The following CDK5RAP2 variants were observed in gnomAD, a reference collection of about 807,000 sequenced individuals.
CDK5RAP2 encodes the protein CDK5 regulatory subunit associated protein 2.
In CDK5RAP2, 147 loss-of-function variants were observed where a neutral mutation model predicts 232.9. The ratio of observed to expected loss-of-function variants is 0.63; its 90% confidence interval spans 0.55 to 0.72. CDK5RAP2 has a LOEUF of 0.72. Among genes scored for constraint, CDK5RAP2 ranks in the 30% least tolerant of loss-of-function variants. CDK5RAP2 has a pLI of 0.00. For synonymous variants in CDK5RAP2, 833 were observed against 833.7 expected (o/e 1.00, Z 0.01); for missense variants, 2,195 against 2,231.5 (o/e 0.98, Z 0.33).
At chr9:120,534,719 T>TC (rs1158546689) in intron 7 of CDK5RAP2, among the ~76,000 whole-genome samples, 1 of 152,200 alleles carries the variant, frequency 6.6e-6, no homozygotes, top group Admixed American at 6.5e-5. Flanking sequence ...CCAAACCCTC[T>TC]CCTTCCCCTT....
Position 120,403,008 on chromosome 9 carries a change from G to A in CDK5RAP2, c.5105C>T (p.Ser1702Leu), listed in dbSNP as rs777175354. The A allele has an allele frequency of 4.5e-5, 72 of 1,614,020 alleles. No homozygotes were observed. Among genetic ancestry groups the A allele is most frequent in the Middle Eastern group, 1.6e-4 (1 of 6,084 alleles). Reference sequence around the variant, plus strand: ...GGACACACACGGAGTGCTAGTTGCCGAACTGCCACTGTCGCAGGAGAGGGA... The same window carrying A: ...GGACACACACGGAGTGCTAGTTGCCAAACTGCCACTGTCGCAGGAGAGGGA... ...TDSLSCDSGS[S>L]ATSTPCVSRL... The change falls in exon 34 of 38, where the codon TCG becomes TTG. Residue 1702 changes from serine (S) to leucine (L), a missense_variant. Transcript: ENST00000349780. The surrounding 1 kb of genome is among the most constrained non-coding windows in gnomAD (Gnocchi z 4.2).
chr9:120,579,102 C>G lies in CDK5RAP2; in HGVS notation c.59+818G>C, dbSNP rs2043147325. 1.3e-5 allele frequency among the ~76,000 whole-genome samples: 2 copies of G among 152,180 alleles called. 1 individual carries two copies. Among genetic ancestry groups the G allele is most frequent in the South Asian group, 4.1e-4 (2 of 4,830 alleles). On this transcript the variant is annotated intron_variant, in intron 1 of 37. Transcript: ENST00000349780. The stretch of plus-strand genomic sequence containing the variant: ...CTCTGTTAGGCCTTCCTACCAGACC[C>G]CAGCTCCACCAGCAATGGGGACTCC...
chr9:120,566,936 T>C (rs1369481065), intron 3 of CDK5RAP2, among the ~76,000 whole-genome samples: 1 of 152,248 alleles, frequency 6.6e-6, no homozygotes, highest in Non-Finnish European at 1.5e-5. Context: ...TCTGTGAAAT[T>C]TTCCAATTTA....
Position 120,389,401 on chromosome 9 carries a change from A to G in CDK5RAP2, c.5626-109T>C, listed in dbSNP as rs4836820. ...CTGTTATTCTCAAAGTGCTTTCAAA[A>G]ACATAGTTTGGTCAGTAAATATTTA... On this transcript the variant is annotated intron_variant, in intron 37 of 37. Transcript: ENST00000349780. 637,734 of 866,718 alleles carry G rather than the reference A, an allele frequency of 0.74. 236,258 individuals carry two copies. The highest frequency in any genetic ancestry group is 0.86 in the East Asian group (32,721 of 37,956). 53.7% of individuals were successfully genotyped at this position (866,718 alleles called of 1,614,324 possible). A position where few individuals can be genotyped will look rare whatever the true frequency, so the allele number is the denominator to read the frequency against.
rs1185048708 is a variant in CDK5RAP2 at position 120,518,464 on chromosome 9, G to A, written c.1274C>T (p.Ala425Val). ...RERLEKDLEE[A>V]HREKSKGDCT... ...GTCTCCTTTGCTCTTCTCTCGATGG[G>A]CTTCCTCCAGGTCCTTCTCCAGTCT... The change falls in exon 12 of 38, where the codon GCC becomes GTC. Residue 425 changes from alanine (A) to valine (V), a missense_variant. Ala to Val is a moderately conservative substitution (Grantham distance 64). Transcript: ENST00000349780. 6.2e-7 allele frequency: 1 copy of A among 1,613,628 alleles called. No individual in the cohort carries two copies. Among genetic ancestry groups the A allele is most frequent in the Admixed American group, 1.7e-5 (1 of 59,966 alleles).
chr9:120,514,907 T>C (rs996584898), intron 12 of CDK5RAP2, among the ~76,000 whole-genome samples: 6 of 152,132 alleles, frequency 3.9e-5, no homozygotes, highest in African/African-American at 7.2e-5. Context: ...AATAAGTAAA[T>C]TATGAAACCA....
Position 120,550,820 on chromosome 9 carries a change from T to C in CDK5RAP2, c.278A>G (p.His93Arg), listed in dbSNP as rs755655281. The change falls in exon 4 of 38, where the codon CAT becomes CGT. Residue 93 changes from histidine (H) to arginine (R), a missense_variant. By Grantham distance (29) the His-to-Arg change is conservative. Transcript: ENST00000349780. The stretch of plus-strand genomic sequence containing the variant: ...TTTGTAGATATGTTCAGTGGGGCCA[T>C]GAAATTCCTGTTGCATTCTTTCCTC... ...FLEERMQQEF[H>R]GPTEHIYKTN... The C allele has an allele frequency of 3.1e-6, 5 of 1,611,718 alleles. No individual in the cohort carries two copies. In the South Asian group the frequency reaches 5.5e-5, roughly 18 times the overall value.
intron 14 of CDK5RAP2, among the ~76,000 whole-genome samples, chr9:120,483,067 C>G (rs1025496379): frequency 6.6e-6 from 1 of 152,168 alleles, no homozygotes; most frequent in Non-Finnish European, 1.5e-5. Flanking sequence ...CAGCAACCAA[C>G]CCCCACTCTC....
intron 25 of CDK5RAP2, among the ~76,000 whole-genome samples, chr9:120,428,201 G>A (rs531148896): frequency 3.9e-5 from 6 of 152,028 alleles, no homozygotes; most frequent in East Asian, 1.9e-4. Flanking sequence ...AAAGAACTAG[G>A]AAAGCAAGAG....
chr9:120,448,454 C>T (rs999341649), intron 21 of CDK5RAP2, among the ~76,000 whole-genome samples: 4 of 152,188 alleles, frequency 2.6e-5, no homozygotes, highest in African/African-American at 9.7e-5. Context: ...TATCTATTTC[C>T]TTGTTTCCCA....
intron 25 of CDK5RAP2, 40 bp from the exon 26 acceptor site, chr9:120,422,781 A>G: frequency 6.4e-7 from 1 of 1,550,646 alleles, no homozygotes; most frequent in Non-Finnish European, 8.9e-7. Context: ...GGAGAAAAAA[A>G]TGTTTTTAAG....
intron 3 of CDK5RAP2, among the ~76,000 whole-genome samples, chr9:120,555,399 A>C (rs1168622249): frequency 6.6e-6 from 1 of 151,554 alleles, no homozygotes; most frequent in African/African-American, 2.4e-5. Context: ...TGGCCTCCCA[A>C]AGTGCTGGGA....
chr9:120,541,853 T>C (rs1164759992), intron 5 of CDK5RAP2, among the ~76,000 whole-genome samples: 1 of 152,214 alleles, frequency 6.6e-6, no homozygotes, highest in East Asian at 1.9e-4. Context: ...CTTTCTTTCC[T>C]TGCAGAATCT....
chr9:120,563,004 T>C (rs141966995), intron 3 of CDK5RAP2, among the ~76,000 whole-genome samples: 2 of 152,108 alleles, frequency 1.3e-5, no homozygotes, highest in Non-Finnish European at 2.9e-5. Context: ...TAGAGACACA[T>C]GTTAAGCAAG....
rs374968775 is a variant in CDK5RAP2, at chr9:120,454,758, G to A, written c.2376-885C>T. Among the ~76,000 whole-genome samples, 156 of 152,330 alleles carry A rather than the reference G, an allele frequency of 1.0e-3. 4 individuals carry two copies. The South Asian group carries it at 0.032, about 31-fold the overall frequency. ...TCTCAACCAGTGAGAGAAGACAGCT[G>A]TTGGGTAAATGTCCCAGTCTCCCAT... On this transcript the variant is annotated intron_variant, in intron 20 of 37. Coordinates refer to ENST00000349780, the MANE Select transcript of CDK5RAP2 (RefSeq NM_018249.6).
At chr9:120,541,863 T>C (rs2041647226) in intron 5 of CDK5RAP2, among the ~76,000 whole-genome samples, 1 of 152,236 alleles carries the variant, frequency 6.6e-6, no homozygotes, top group African/African-American at 2.4e-5. Context: ...TTGCAGAATC[T>C]GGGCTAACAC....
chr9:120,528,770 T>C lies in CDK5RAP2; in HGVS notation c.853A>G (p.Arg285Gly). 6.2e-7 allele frequency: 1 copy of C among 1,609,980 alleles called. No homozygotes were observed. Residue 285 changes from arginine to glycine, a missense_variant, in exon 9 of 38, where the codon AGA (arginine) becomes GGA (glycine). Transcript: ENST00000349780. ...TGGATCCTCTCTTCAAAGCTGTTTC[T>C]CTCCTTCTGATGCTCCATTTGTGCA... is the stretch of plus-strand genomic sequence containing the variant. ...EAAQMEHQKE[R>G]NSFEERIQAL...
At chr9:120,459,100 T>G (rs1293176229) in intron 19 of CDK5RAP2, among the ~76,000 whole-genome samples, 2 of 152,240 alleles carry the variant, frequency 1.3e-5, no homozygotes, top group Non-Finnish European at 2.9e-5. Flanking sequence ...TTGCAATGTA[T>G]CCTCCTTATT....
At chr9:120,389,646 T>C in intron 37 of CDK5RAP2, 95 bp downstream of exon 37, 1 of 1,192,808 alleles carries the variant, frequency 8.4e-7, no homozygotes, top group South Asian at 1.2e-5. Context: ...GTCCCCTGGT[T>C]CCACCTGCAC....
Sources: gnomAD v4.1 joint callset for allele counts (sites outside exome capture counted in the v4.1 genomes callset) on GRCh38, gnomAD v4.1.1 for gene constraint, Gnocchi (gnomAD v3.1) non-coding constraint, MANE v1.5 for transcripts, NCBI Gene and HGNC (gene_info 2026-07-23, HGNC 2026-07-21) for gene names.